PLXNA4: variants seen among roughly 807,000 people sequenced by gnomAD.
PLXNA4 encodes plexin-A4.
In PLXNA4, 44 loss-of-function variants were observed where a neutral mutation model predicts 191.8. The observed-to-expected ratio is 0.23, with a 90% confidence interval of 0.18 to 0.29. PLXNA4 has a LOEUF of 0.29. PLXNA4 is among the 10% of genes least tolerant of loss of function. The probability of loss-of-function intolerance (pLI) is 1.00; values close to 1 mark genes in which losing one functional copy is unlikely to be tolerated. For synonymous variants in PLXNA4, 1,082 were observed against 1,009.5 expected, an observed-to-expected ratio of 1.07 and a Z score of -1.36; for missense variants, 1,800 against 2,488.8, an observed-to-expected ratio of 0.72 and a Z score of 5.89.
At position 132,378,685 on chromosome 7, in the gene PLXNA4, T is replaced by G. The variant is rs151322795; in HGVS notation, c.1372-80463A>C. ...CAAAATGAGGTTCAAAGAAAGAGAA[T>G]GAGAATGATAATGATTATTGAAAAG... On this transcript the variant is annotated intron_variant, in intron 3 of 31. Coordinates refer to ENST00000321063, the MANE Select transcript of PLXNA4 (RefSeq NM_020911.2). 3.5e-3 allele frequency among the ~76,000 whole-genome samples: 538 copies of G among 152,176 alleles called. 2 individuals carry two copies. Among genetic ancestry groups the G allele is most frequent in the African/African-American group, 0.012 (501 of 41,512 alleles).
rs373643925 is a variant in PLXNA4, at chr7:132,450,459, T to C, written c.1371+38833A>G. On this transcript the variant is annotated intron_variant, in intron 3 of 31. Transcript: ENST00000321063. ...TCAGAACCAATACCGTAAATGCCTC[T>C]GACACACCGTTTCCACTGTTAATGA... Among the ~76,000 whole-genome samples, 7 of 152,336 alleles carry C rather than the reference T, an allele frequency of 4.6e-5. No individual in the cohort carries two copies. In the East Asian group the frequency reaches 7.7e-4, roughly 17 times the overall value.
intron 3 of PLXNA4, among the ~76,000 whole-genome samples, chr7:132,481,641 G>T (rs1456253569): frequency 1.3e-5 from 2 of 152,130 alleles, no homozygotes; most frequent in African/African-American, 4.8e-5. Flanking sequence ...CCTCTTTTCT[G>T]CCAGCCCCAA....
chr7:132,598,823 T>C (rs927549553), intron 2 of PLXNA4, among the ~76,000 whole-genome samples: 3 of 152,208 alleles, frequency 2.0e-5, no homozygotes, highest in Admixed American at 2.0e-4. Context: ...CCTTATATTT[T>C]GTGCTTTTAA....
intron 1 of PLXNA4, among the ~76,000 whole-genome samples, chr7:132,535,316 G>A (rs140359040): frequency 1.2e-4 from 19 of 152,342 alleles, no homozygotes; most frequent in African/African-American, 2.2e-4. Flanking sequence ...GAGACCAAAC[G>A]TCATTCCCCA....
chr7:132,153,896 C>G (rs1795717100), intron 25 of PLXNA4, among the ~76,000 whole-genome samples: 1 of 152,004 alleles, frequency 6.6e-6, no homozygotes, highest in African/African-American at 2.4e-5. Context: ...TTGCAATAAC[C>G]CCACTTCCAG....
intron 31 of PLXNA4, among the ~76,000 whole-genome samples, chr7:132,132,468 C>CTGTTCTGTTTGTTCTGT (rs1563048357): frequency 9.0e-5 from 4 of 44,564 alleles, no homozygotes; most frequent in Admixed American, 4.8e-4. Context: ...TTCTGTTCTG[C>CTGTTCTGTTTGTTCTGT]TCTGCTCTGC....
intron 25 of PLXNA4, among the ~76,000 whole-genome samples, chr7:132,156,702 C>G (rs1795809704): frequency 6.6e-6 from 1 of 152,234 alleles, no homozygotes; most frequent in South Asian, 2.1e-4. Flanking sequence ...AATAGTCACA[C>G]CTTACATTTG....
intron 1 of PLXNA4, among the ~76,000 whole-genome samples, chr7:132,560,292 C>T (rs940402482): frequency 5.3e-5 from 8 of 152,194 alleles, no homozygotes; most frequent in South Asian, 4.1e-4. Flanking sequence ...TGCTCTATAG[C>T]ACTCTGGGTG....
intron 3 of PLXNA4, among the ~76,000 whole-genome samples, chr7:132,437,584 A>C (rs1585134121): frequency 7.8e-6 from 1 of 128,482 alleles, no homozygotes; most frequent in Non-Finnish European, 1.8e-5. Flanking sequence ...AAAAAAAAAA[A>C]ACAGAAAAAG....
intron 3 of PLXNA4, among the ~76,000 whole-genome samples, chr7:132,300,700 G>A (rs945680825): frequency 6.6e-6 from 1 of 152,186 alleles, no homozygotes; most frequent in Non-Finnish European, 1.5e-5. Flanking sequence ...TGCAATGATG[G>A]CCTTGGCCCC....
At chr7:132,520,332 G>A (rs1290329189) in intron 1 of PLXNA4, among the ~76,000 whole-genome samples, 1 of 152,184 alleles carries the variant, frequency 6.6e-6, no homozygotes, top group African/African-American at 2.4e-5. Context: ...ATTCTTAACA[G>A]CTCAGGTGTT....
chr7:132,548,577 A>C (rs12112717), intron 1 of PLXNA4, among the ~76,000 whole-genome samples: 6,232 of 152,270 alleles, frequency 0.041, 440 homozygotes, highest in African/African-American at 0.14. Flanking sequence ...GACCAAGACC[A>C]AGGATTCTCC....
chr7:132,383,039 A>G (rs1205921493), intron 3 of PLXNA4, among the ~76,000 whole-genome samples: 1 of 152,220 alleles, frequency 6.6e-6, no homozygotes, highest in Non-Finnish European at 1.5e-5. Flanking sequence ...AGTTCAAAGC[A>G]GGGTGCATCC....
At chr7:132,333,872 A>C (rs1390692343) in intron 3 of PLXNA4, among the ~76,000 whole-genome samples, 1 of 152,190 alleles carries the variant, frequency 6.6e-6, no homozygotes, top group Non-Finnish European at 1.5e-5. Context: ...TCCAACCACC[A>C]GCCCTGCTGA....
intron 2 of PLXNA4, among the ~76,000 whole-genome samples, chr7:132,610,200 C>A (rs1435296766): frequency 6.6e-6 from 1 of 152,174 alleles, no homozygotes; most frequent in Non-Finnish European, 1.5e-5. Flanking sequence ...GCAGACAAAA[C>A]CCTTACACAA....
chr7:132,164,364 G>A, intron 23 of PLXNA4, 76 bp from the exon 24 acceptor site: 1 of 1,564,398 alleles, frequency 6.4e-7, no homozygotes, highest in Non-Finnish European at 8.7e-7. Flanking sequence ...CTTCTCCAAA[G>A]GGCTGCTTCC....
rs1585205851 is a variant in PLXNA4 at position 132,485,606 on chromosome 7, C to T, written c.1371+3686G>A. Among the ~76,000 whole-genome samples the T allele has an allele frequency of 2.0e-5, 3 of 152,172 alleles. No homozygotes were observed. The East Asian group carries it at 5.8e-4, about 29-fold the overall frequency. ...GCCAAAGATTTAGGTTTGCTTGGCC[C>T]TAAAGCCAGTCAAGATGGCATTTGC... On this transcript the variant is annotated intron_variant, in intron 3 of 31. Transcript: ENST00000321063.
At chr7:132,577,435 T>TGCCGCCC (rs1248887441), upstream of PLXNA4, 25 of 116,660 alleles carry the variant, frequency 2.1e-4, no homozygotes, top group South Asian at 6.4e-4. Context: ...CTCTCCTCCC[T>TGCCGCCC]GCCGCCCGCC....
chr7:132,397,830 A>G (rs1265961570), intron 3 of PLXNA4, among the ~76,000 whole-genome samples: 1 of 152,268 alleles, frequency 6.6e-6, no homozygotes, highest in African/African-American at 2.4e-5. Context: ...TAAGGACAGT[A>G]TGCCTATTTG....
Sources: gnomAD v4.1 joint callset for allele counts (sites outside exome capture counted in the v4.1 genomes callset) on GRCh38, gnomAD v4.1.1 for gene constraint, MANE v1.5 for transcripts, NCBI Gene and HGNC (gene_info 2026-07-23, HGNC 2026-07-21) for gene names.